Variants in WNK1 observed in about 807,000 individuals in gnomAD.
The protein encoded by WNK1 is WNK lysine deficient protein kinase 1, also known as serine/threonine-protein kinase WNK1.
WNK1 carries 38 observed loss-of-function variants against 222.8 expected under a neutral mutation model. The ratio of observed to expected loss-of-function variants is 0.17; its 90% CI spans 0.13 to 0.22. WNK1 has a LOEUF of 0.22. WNK1 is among the 10% of genes least tolerant of loss of function. WNK1 has a pLI of 1.00. For missense variants in WNK1, 2,348 were observed against 2,918.4 expected (o/e 0.80, Z 4.50); for synonymous variants, 1,090 against 1,092.9 (o/e 1.00, Z 0.05).
At chr12:812,743 A>G (rs979479315) in intron 1 of WNK1, among the ~76,000 whole-genome samples, 1 of 152,206 alleles carries the variant, frequency 6.6e-6, no homozygotes, top group South Asian at 2.1e-4. Flanking sequence ...ACAGAAGGAA[A>G]TGGAAAATGA....
chr12:884,635 G>T lies in WNK1; in HGVS notation c.3845-14G>T, dbSNP rs368270119. ...AAAATCAGCTGATTCTTATCTTTTT[G>T]TATTCCTTTGCAGTTGCTGCCTCTA... On this transcript the variant is annotated splice_polypyrimidine_tract_variant and intron_variant, in intron 18 of 27. Transcript: ENST00000315939. The surrounding 1 kb of genome is among the most constrained non-coding windows in gnomAD (Gnocchi z 5.6). 2 of 1,610,640 alleles carry T rather than the reference G, an allele frequency of 1.2e-6. No homozygotes were observed. The highest frequency in any genetic ancestry group is 8.5e-7 in the Non-Finnish European group (1 of 1,177,086).
chr12:793,517 C>G (rs947475083), intron 1 of WNK1, among the ~76,000 whole-genome samples: 1 of 152,052 alleles, frequency 6.6e-6, no homozygotes, highest in African/African-American at 2.4e-5. Context: ...AGGTTGATAA[C>G]AGTTTTCAAA....
In WNK1 at chr12:753,357, C is replaced by G. The variant is rs1181448839; in HGVS notation, c.-209C>G. 5 of 633,166 alleles carry G rather than the reference C, an allele frequency of 7.9e-6. No individual in the cohort carries two copies. In the African/African-American group the frequency reaches 9.5e-5, roughly 12 times the overall value. 39.2% of individuals were successfully genotyped at this position (633,166 alleles called of 1,614,324 possible). On this transcript the variant is annotated 5_prime_UTR_variant, in exon 1 of 28. Coordinates refer to ENST00000315939, the MANE Select transcript of WNK1 (RefSeq NM_018979.4). The surrounding 1 kb of genome is among the most constrained non-coding windows in gnomAD (Gnocchi z 5.2). ...TTCGAGCCCTCCTCGTGAGCCGCAG[C>G]AGCCTCGGTGCCAGCCCCCGCCGCA...
In WNK1 at chr12:861,006, T is replaced by C. The variant is rs1951180599; in HGVS notation, c.1621-7T>C. On this transcript the variant is annotated splice_polypyrimidine_tract_variant and splice_region_variant and intron_variant, in intron 6 of 27. Coordinates refer to ENST00000315939, the MANE Select transcript of WNK1 (RefSeq NM_018979.4). ...ACTACTGCTTAATTTACCCTTTTAT[T>C]CTGTAGGTAGAGTCTGGGTATGTCT... 6.2e-7 allele frequency: 1 copy of C among 1,613,328 alleles called. No homozygotes were observed. The highest frequency in any genetic ancestry group is 1.1e-5 in the South Asian group (1 of 91,062).
chr12:878,493 A>C, intron 10 of WNK1, 132 bp downstream of exon 10: 1 of 984,626 alleles, frequency 1.0e-6, no homozygotes, highest in African/African-American at 1.6e-5. Flanking sequence ...CCAACCCTTG[A>C]AGTAGGTTAA....
intron 1 of WNK1, among the ~76,000 whole-genome samples, chr12:800,420 G>A (rs1443671728): frequency 6.6e-6 from 1 of 151,522 alleles, no homozygotes; most frequent in African/African-American, 2.4e-5. Flanking sequence ...TTGCTATATG[G>A]GTGTTAATAA....
chr12:859,611 G>A (rs1951037838), intron 6 of WNK1, 147 bp downstream of exon 6: 1 of 433,756 alleles, frequency 2.3e-6, no homozygotes, highest in South Asian at 3.0e-5. Context: ...TCTTTGATTA[G>A]TGGGATTTTC....
rs201627213 is a variant in WNK1, at chr12:772,103, C to CA, written c.759+17785dup. ...ATTGTAACCATCCTTAATTCATACACAAAAAAGATGCTTTAAAAAATTAGT... is the reference window on the plus strand; with the variant it reads ...ATTGTAACCATCCTTAATTCATACACAAAAAAAGATGCTTTAAAAAATTAGT... On this transcript the variant is annotated intron_variant, in intron 1 of 27. Transcript: ENST00000315939. Among the ~76,000 whole-genome samples, 804 of 151,918 alleles carry CA rather than the reference C, an allele frequency of 5.3e-3. 42 individuals carry two copies. Among genetic ancestry groups the CA allele is most frequent in the Admixed American group, 0.049 (740 of 15,246 alleles).
intron 4 of WNK1, among the ~76,000 whole-genome samples, chr12:830,633 T>C (rs561271199): frequency 1.1e-4 from 16 of 152,258 alleles, no homozygotes; most frequent in Non-Finnish European, 1.6e-4. Context: ...TATTGTAGTT[T>C]AAATTACTCA....
At chr12:893,970 C>T (rs1244128257) in intron 22 of WNK1, among the ~76,000 whole-genome samples, 3 of 152,040 alleles carry the variant, frequency 2.0e-5, no homozygotes, top group Non-Finnish European at 4.4e-5. Context: ...GTAATCCCAG[C>T]ACTTTGGGAG....
At chr12:847,227 C>T (rs1381146110) in intron 4 of WNK1, among the ~76,000 whole-genome samples, 1 of 152,068 alleles carries the variant, frequency 6.6e-6, no homozygotes, top group Non-Finnish European at 1.5e-5. Context: ...CGGTAGACTA[C>T]AGAATAAAAA....
In WNK1 at chr12:896,225, C is replaced by A. The variant is rs1592226509; in HGVS notation, c.5738C>A (p.Thr1913Asn). Reference sequence around the variant, plus strand: ...GTGAAACCAGAGCCGAATGGCATAACCATCCCTGGTATCTCTTCAGATGTG... The same window carrying A: ...GTGAAACCAGAGCCGAATGGCATAAACATCCCTGGTATCTCTTCAGATGTG... ...TLVKPEPNGI[T>N]IPGISSDVPE... Residue 1913 changes from threonine to asparagine, a missense_variant, in exon 24 of 28, where the codon ACC becomes AAC. Around this residue, in one of 13 missense-constraint regions of WNK1, gnomAD observed 1,144 missense variants for 1,273.6 expected, o/e 0.90. Transcript: ENST00000315939. The A allele has an allele frequency of 1.9e-6, 3 of 1,614,194 alleles. No individual in the cohort carries two copies. The highest frequency in any genetic ancestry group is 2.5e-6 in the Non-Finnish European group (3 of 1,180,032).
At chr12:862,415 A>C in intron 8 of WNK1, 145 bp downstream of exon 8, 1 of 901,110 alleles carries the variant, frequency 1.1e-6, no homozygotes, top group South Asian at 1.6e-5. Flanking sequence ...CTTATTATAG[A>C]GTAGGATATA....
At chr12:810,172 G>T (rs557526428) in intron 1 of WNK1, among the ~76,000 whole-genome samples, 4 of 152,012 alleles carry the variant, frequency 2.6e-5, no homozygotes, top group African/African-American at 4.8e-5. Flanking sequence ...GCCTGAACCC[G>T]GGAGGTGGAG....
Position 765,391 on chromosome 12 carries a change from A to T in WNK1, c.759+11067A>T, listed in dbSNP as rs1241389682. Among the ~76,000 whole-genome samples the T allele has an allele frequency of 1.4e-5, 2 of 146,678 alleles. 1 individual carries two copies. On this transcript the variant is annotated intron_variant, in intron 1 of 27. Coordinates refer to ENST00000315939, the MANE Select transcript of WNK1 (RefSeq NM_018979.4). ...AGCAAGACCCTGTCTACAAAAAATTAAAAAATTAGCTGGGCCTGGTGGTGT... is the reference window on the plus strand; with the variant it reads ...AGCAAGACCCTGTCTACAAAAAATTTAAAAATTAGCTGGGCCTGGTGGTGT...
At chr12:766,367 A>G (rs989785253) in intron 1 of WNK1, among the ~76,000 whole-genome samples, 6 of 152,244 alleles carry the variant, frequency 3.9e-5, no homozygotes. Flanking sequence ...CAAGGATGAG[A>G]TGGATAGATG....
In WNK1 at chr12:754,080, T is replaced by C. The variant is rs772520982; in HGVS notation, c.515T>C (p.Val172Ala). ...KDRPVSQPSLVGSKEEPPPAR... is the reference protein window; with the variant it reads ...KDRPVSQPSLAGSKEEPPPAR... The stretch of plus-strand genomic sequence containing the variant: ...CGCCCAGTGTCCCAGCCTAGCCTTG[T>C]GGGGAGCAAAGAGGAGCCGCCGCCG... The change falls in exon 1 of 28, where the codon GTG becomes GCG. Residue 172 changes from valine to alanine, a missense_variant. Val to Ala is a moderately conservative substitution (Grantham distance 64, BLOSUM62 0). This residue lies in a region of WNK1 where 185 missense variants were observed against 159.2 expected (regional missense o/e 1.16). Coordinates refer to ENST00000315939, the MANE Select transcript of WNK1 (RefSeq NM_018979.4). 1.3e-5 allele frequency: 21 copies of C among 1,608,812 alleles called. No homozygotes were observed. The highest frequency in any genetic ancestry group is 1.7e-5 in the Non-Finnish European group (20 of 1,178,364).
chr12:762,702 G>A (rs1941189070), intron 1 of WNK1, among the ~76,000 whole-genome samples: 1 of 147,180 alleles, frequency 6.8e-6, no homozygotes, highest in African/African-American at 2.4e-5. Context: ...GATTCCAGTA[G>A]TCCCCACTCT....
At chr12:820,462 T>C (rs1034395124) in intron 2 of WNK1, among the ~76,000 whole-genome samples, 71 of 139,990 alleles carry the variant, frequency 5.1e-4, no homozygotes, top group African/African-American at 1.8e-3. Context: ...GTTCATTCTT[T>C]GGGGTTTTTT....
Sources: gnomAD v4.1 joint callset for allele counts (sites outside exome capture counted in the v4.1 genomes callset) on GRCh38, gnomAD v4.1.1 for gene constraint, gnomAD v4.1.1 regional missense constraint, Gnocchi (gnomAD v3.1) non-coding constraint, MANE v1.5 for transcripts, NCBI Gene and HGNC (gene_info 2026-07-23, HGNC 2026-07-21) for gene names.